Variants in WDR25 observed in about 807,000 individuals in gnomAD.
WDR25 encodes WD repeat domain 25.
A neutral mutation model predicts 47.7 loss-of-function variants in WDR25; 35 were observed. The observed-to-expected ratio is 0.73, with a 90% CI of 0.56 to 0.97. WDR25 has a LOEUF of 0.97. Ranked by LOEUF, WDR25 falls within the 50% of genes least tolerant of loss-of-function variation. The probability of loss-of-function intolerance (pLI) is 0.00; values close to 1 mark genes in which losing one functional copy is unlikely to be tolerated. For missense variants in WDR25, 634 were observed against 704.7 expected, an observed-to-expected ratio of 0.90 and a Z score of 1.14; for synonymous variants, 248 against 278.9, an observed-to-expected ratio of 0.89 and a Z score of 1.10.
At chr14:100,515,362 T>C (rs959711142) in intron 4 of WDR25, among the ~76,000 whole-genome samples, 8 of 151,786 alleles carry the variant, frequency 5.3e-5, no homozygotes, top group Admixed American at 5.2e-4. Context: ...TCTCCCTGTC[T>C]CACTTACATT....
At chr14:100,389,160 T>G (rs1897083180) in intron 2 of WDR25, among the ~76,000 whole-genome samples, 2 of 152,186 alleles carry the variant, frequency 1.3e-5, no homozygotes, top group South Asian at 4.1e-4. Flanking sequence ...GGTAAAATTT[T>G]GGGAAAAAAT....
chr14:100,455,539 AAG>A, intron 2 of WDR25: 1 of 151,578 alleles, frequency 6.6e-6, no homozygotes, highest in East Asian at 1.9e-4. Flanking sequence ...TCTTTTTTAA[AAG>A]AAAAAAAAAA....
At chr14:100,426,736 C>G (rs1195774574) in intron 2 of WDR25, among the ~76,000 whole-genome samples, 1 of 152,182 alleles carries the variant, frequency 6.6e-6, no homozygotes, top group African/African-American at 2.4e-5. Flanking sequence ...ACTGCTGCCC[C>G]CCAGCCCCAC....
At chr14:100,441,285 C>T (rs1339543820) in intron 2 of WDR25, among the ~76,000 whole-genome samples, 2 of 152,024 alleles carry the variant, frequency 1.3e-5, no homozygotes, top group Admixed American at 6.5e-5. Flanking sequence ...GAAGGGTGGT[C>T]GCTGTAGAAT....
rs1474497292 is a variant in WDR25 at position 100,393,494 on chromosome 14, G to A, written c.822+11748G>A. Among the ~76,000 whole-genome samples, 7 of 152,330 alleles carry A rather than the reference G, an allele frequency of 4.6e-5. No homozygotes were observed. The South Asian group carries it at 6.2e-4, about 14-fold the overall frequency. ...GCTGTGTTGCTGTTAGCCCGGGGGCGGAGGATTGGTGGCTGTCATCAGGTG... is the reference window on the plus strand; with the variant it reads ...GCTGTGTTGCTGTTAGCCCGGGGGCAGAGGATTGGTGGCTGTCATCAGGTG... On this transcript the variant is annotated intron_variant, in intron 2 of 6. Coordinates refer to ENST00000402312, the MANE Select transcript of WDR25 (RefSeq NM_001161476.3).
rs963077421 is a variant in WDR25, at chr14:100,500,838, A to C, written c.1101+16714A>C. 6.6e-6 allele frequency among the ~76,000 whole-genome samples: 1 copy of C among 152,222 alleles called. No individual in the cohort carries two copies. Among genetic ancestry groups the C allele is most frequent in the Admixed American group, 6.5e-5 (1 of 15,292 alleles). ...CCTAGTTTTAATTTGTGCCTCCGCT[A>C]TAAAGTAAGGGAAACCAATTTTTCA... On this transcript the variant is annotated intron_variant, in intron 4 of 6. Coordinates refer to ENST00000402312, the MANE Select transcript of WDR25 (RefSeq NM_001161476.3). This position sits in a 1 kb window ranked among gnomAD's most constrained non-coding sequence, Gnocchi z 4.7.
At chr14:100,527,467 A>G (rs2030242165) in intron 5 of WDR25, among the ~76,000 whole-genome samples, 1 of 152,242 alleles carries the variant, frequency 6.6e-6, no homozygotes, top group Non-Finnish European at 1.5e-5. Context: ...TACATGAAAT[A>G]TCTATCCTGT....
At chr14:100,395,643 T>G (rs1897241760) in intron 2 of WDR25, among the ~76,000 whole-genome samples, 1 of 152,228 alleles carries the variant, frequency 6.6e-6, no homozygotes, top group Non-Finnish European at 1.5e-5. Context: ...TTTTGTGTCT[T>G]AATGAGCTCG....
chr14:100,508,570 GCTTT>G lies in WDR25; in HGVS notation c.1102-17293_1102-17290del, dbSNP rs201373891. Among the ~76,000 whole-genome samples the G allele has an allele frequency of 5.1e-4, 78 of 152,234 alleles. 1 individual carries two copies. The East Asian group carries it at 0.013, about 25-fold the overall frequency. On this transcript the variant is annotated intron_variant, in intron 4 of 6. Coordinates refer to ENST00000402312, the MANE Select transcript of WDR25 (RefSeq NM_001161476.3). ...ATCATGTAGTCTGTATTATTTTACA[GCTTT>G]CTTTCTAATGCATGTGCAATTATTT...
Position 100,468,316 on chromosome 14 carries a change from T to C in WDR25, c.970+148T>C. The C allele has an allele frequency of 1.7e-6, 2 of 1,208,420 alleles. No homozygotes were observed. Among genetic ancestry groups the C allele is most frequent in the Non-Finnish European group, 2.3e-6 (2 of 883,624 alleles). The allele number at this position is 1,208,420 out of a possible 1,614,324, so 74.9% of individuals were successfully genotyped here. ...GTGGGCTCGTGCTCGGTGAGAGGGC[T>C]TCCAGACTGCTTGCCCATTGGAACT... On this transcript the variant is annotated intron_variant, in intron 3 of 6. Transcript: ENST00000402312. This position sits in a 1 kb window ranked among gnomAD's most constrained non-coding sequence, Gnocchi z 4.5.
chr14:100,446,550 CAAAAAAAA>C (rs55946078), intron 2 of WDR25, among the ~76,000 whole-genome samples: 1 of 75,012 alleles, frequency 1.3e-5, no homozygotes, highest in Non-Finnish European at 2.4e-5. Context: ...GACTCCATCT[CAAAAAAAA>C]AAAAAAAAAA....
intron 2 of WDR25, among the ~76,000 whole-genome samples, chr14:100,434,188 A>C (rs1004815910): frequency 6.6e-6 from 1 of 152,228 alleles, no homozygotes; most frequent in Non-Finnish European, 1.5e-5. Flanking sequence ...TCTTGGCGAT[A>C]GATGTCTGCC....
rs1283009117 is a variant in WDR25, at chr14:100,381,745, A to G, written c.821A>G (p.Lys274Arg). ...LLSTSMDKTF[K>R]VWNAVDSGHC... Reference sequence around the variant, plus strand: ...TCCACTTCTATGGATAAAACTTTCAAGGTAAGACTTGAATGAAAACTTCTG... The same window carrying G: ...TCCACTTCTATGGATAAAACTTTCAGGGTAAGACTTGAATGAAAACTTCTG... Residue 274 changes from lysine (K) to arginine (R), a missense_variant and splice_region_variant, in exon 2 of 7, where the codon AAG (lysine) becomes AGG (arginine). Transcript: ENST00000402312. The G allele has an allele frequency of 1.3e-6, 2 of 1,588,794 alleles. No individual in the cohort carries two copies. Among genetic ancestry groups the G allele is most frequent in the Non-Finnish European group, 8.6e-7 (1 of 1,168,186 alleles).
chr14:100,379,193 T>C (rs1053308178), intron 1 of WDR25, among the ~76,000 whole-genome samples: 1 of 152,118 alleles, frequency 6.6e-6, no homozygotes, highest in African/African-American at 2.4e-5. Flanking sequence ...CTTTATACAT[T>C]TATCTTCATG....
At chr14:100,439,029 C>T (rs543501605) in intron 2 of WDR25, among the ~76,000 whole-genome samples, 129 of 152,344 alleles carry the variant, frequency 8.5e-4, no homozygotes, top group Admixed American at 1.5e-3. Flanking sequence ...CTAGGGCACC[C>T]TCCTGCAGAT....
At chr14:100,422,939 G>A (rs887672212) in intron 2 of WDR25, among the ~76,000 whole-genome samples, 5 of 152,276 alleles carry the variant, frequency 3.3e-5, no homozygotes, top group African/African-American at 1.2e-4. Flanking sequence ...TTGAAGTGGC[G>A]AGCGTCCCAC....
chr14:100,407,952 C>T lies in WDR25; in HGVS notation c.822+26206C>T, dbSNP rs995780750. On this transcript the variant is annotated intron_variant, in intron 2 of 6. Coordinates refer to ENST00000402312, the MANE Select transcript of WDR25 (RefSeq NM_001161476.3). This position sits in a 1 kb window ranked among gnomAD's most constrained non-coding sequence, Gnocchi z 4.1. ...ATCCTGATGGGAGTGGGAGAGGGTG[C>T]AAGAACTGGCCCTGGAGACAGGGGA... Among the ~76,000 whole-genome samples the T allele has an allele frequency of 3.3e-5, 5 of 152,164 alleles. No homozygotes were observed. The highest frequency in any genetic ancestry group is 1.2e-4 in the African/African-American group (5 of 41,504).
chr14:100,473,309 G>A (rs1337844458), intron 3 of WDR25, among the ~76,000 whole-genome samples: 1 of 152,154 alleles, frequency 6.6e-6, no homozygotes, highest in Non-Finnish European at 1.5e-5. Flanking sequence ...CAGAAACTGA[G>A]GCTTAGCATG....
intron 2 of WDR25, among the ~76,000 whole-genome samples, chr14:100,406,153 AG>A (rs1038221024): frequency 6.6e-6 from 1 of 152,138 alleles, no homozygotes; most frequent in African/African-American, 2.4e-5. Context: ...AGGATGGAGA[AG>A]GGAGGGTTAA....
Sources: gnomAD v4.1 joint callset for allele counts (sites outside exome capture counted in the v4.1 genomes callset) on GRCh38, gnomAD v4.1.1 for gene constraint, Gnocchi (gnomAD v3.1) non-coding constraint, MANE v1.5 for transcripts, NCBI Gene and HGNC (gene_info 2026-07-23, HGNC 2026-07-21) for gene names.